FAM163A: variants seen among roughly 807,000 people sequenced by gnomAD.
FAM163A encodes the protein protein FAM163A.
A neutral mutation model predicts 12.0 loss-of-function variants in FAM163A; 7 were observed. The observed-to-expected ratio is 0.58, with a 90% CI of 0.33 to 1.10. The LOEUF (loss-of-function observed/expected upper bound fraction) is 1.10, where lower values mean the gene tolerates loss of function less well. Ranked by LOEUF, FAM163A falls within the 50% of genes least tolerant of loss-of-function variation. The pLI is 0.03. For synonymous variants in FAM163A, 101 were observed against 91.0 expected (o/e 1.11, Z -0.62); for missense variants, 202 against 218.6 (o/e 0.92, Z 0.48).
At chr1:179,753,582 G>T (rs1348156389) in intron 1 of FAM163A, among the ~76,000 whole-genome samples, 1 of 152,166 alleles carries the variant, frequency 6.6e-6, no homozygotes, top group Non-Finnish European at 1.5e-5. Flanking sequence ...GGAGGGACTG[G>T]TCTTAGGAGA....
intron 1 of FAM163A, among the ~76,000 whole-genome samples, chr1:179,794,768 C>T (rs1571518569): frequency 6.6e-6 from 1 of 152,056 alleles, no homozygotes; most frequent in African/African-American, 2.4e-5. Flanking sequence ...TCTGGCAAGG[C>T]GCTCAGACAG....
At chr1:179,794,249 C>T (rs1691950028) in intron 1 of FAM163A, among the ~76,000 whole-genome samples, 1 of 152,176 alleles carries the variant, frequency 6.6e-6, no homozygotes, top group African/African-American at 2.4e-5. Context: ...GTTCTTACCA[C>T]CAAAAAATTA....
At chr1:179,748,405 A>T (rs2504043) in intron 1 of FAM163A, among the ~76,000 whole-genome samples, 41,644 of 151,764 alleles carry the variant, frequency 0.27, 5,927 homozygotes, top group South Asian at 0.42. Flanking sequence ...ATTAGTTTTT[A>T]AAAAAAATCA....
intron 1 of FAM163A, among the ~76,000 whole-genome samples, chr1:179,764,540 T>C (rs61828396): frequency 0.11 from 17,414 of 152,242 alleles, 1,104 homozygotes; most frequent in Non-Finnish European, 0.13. Context: ...CCATGGTAGA[T>C]GAGGTATTGA....
chr1:179,784,598 G>A (rs1043593995), intron 1 of FAM163A, among the ~76,000 whole-genome samples: 10 of 152,170 alleles, frequency 6.6e-5, no homozygotes, highest in Non-Finnish European at 1.0e-4. Flanking sequence ...CAGACCCAGA[G>A]AAAACAGTAT....
intron 1 of FAM163A, among the ~76,000 whole-genome samples, chr1:179,747,772 T>C (rs1684702823): frequency 6.6e-6 from 1 of 152,226 alleles, no homozygotes; most frequent in African/African-American, 2.4e-5. Context: ...ATTGCATGCT[T>C]TGATGGATCA....
In FAM163A at chr1:179,805,295, G is replaced by A. The variant is rs555066171; in HGVS notation, c.-135-2503G>A. ...TACTTTGGGAGGCTGAGGCAGGTGGGTCACCTGAGGTCAGGAGTTTGAGAC... is the reference window on the plus strand; with the variant it reads ...TACTTTGGGAGGCTGAGGCAGGTGGATCACCTGAGGTCAGGAGTTTGAGAC... On this transcript the variant is annotated intron_variant, in intron 1 of 4. Coordinates refer to ENST00000341785, the MANE Select transcript of FAM163A (RefSeq NM_173509.3). Among the ~76,000 whole-genome samples the A allele has an allele frequency of 6.6e-5, 10 of 152,186 alleles. No homozygotes were observed. In the South Asian group the frequency reaches 1.7e-3, roughly 25 times the overall value.
intron 1 of FAM163A, among the ~76,000 whole-genome samples, chr1:179,798,411 T>C (rs979935287): frequency 6.6e-6 from 1 of 152,198 alleles, no homozygotes; most frequent in Non-Finnish European, 1.5e-5. Flanking sequence ...GTGTCTCCTC[T>C]TGTTTCAGGA....
At chr1:179,739,461 C>T (rs1370281094), upstream of FAM163A, among the ~76,000 whole-genome samples, 1 of 152,224 alleles carries the variant, frequency 6.6e-6, no homozygotes, top group Non-Finnish European at 1.5e-5. Flanking sequence ...GGCCACAAGC[C>T]TCCCAGGATG....
At chr1:179,748,642 G>C (rs1376475193) in intron 1 of FAM163A, among the ~76,000 whole-genome samples, 1 of 152,216 alleles carries the variant, frequency 6.6e-6, no homozygotes, top group Non-Finnish European at 1.5e-5. Flanking sequence ...AGAGGAGCAA[G>C]TGACATGCTG....
the FAM163A span, among the ~76,000 whole-genome samples, chr1:179,731,580 T>C: frequency 2.0e-5 from 3 of 152,186 alleles, no homozygotes; most frequent in Non-Finnish European, 4.4e-5. Flanking sequence ...ACTTCCAGTA[T>C]AGGAAGAAAA....
chr1:179,754,277 A>G (rs907731365), intron 1 of FAM163A, among the ~76,000 whole-genome samples: 1 of 152,092 alleles, frequency 6.6e-6, no homozygotes, highest in Non-Finnish European at 1.5e-5. Context: ...GGTTTAAGTA[A>G]TTTAAGAGCT....
chr1:179,798,209 C>T (rs1056645862), intron 1 of FAM163A, among the ~76,000 whole-genome samples: 3 of 151,668 alleles, frequency 2.0e-5, no homozygotes, highest in Admixed American at 2.0e-4. Flanking sequence ...CAGCCTGGGC[C>T]AGACTCCATC....
chr1:179,737,390 C>T, the FAM163A span, among the ~76,000 whole-genome samples: 1 of 152,156 alleles, frequency 6.6e-6, no homozygotes, highest in African/African-American at 2.4e-5. Flanking sequence ...AATGGCTATA[C>T]AGTTTCAGTT....
intron 1 of FAM163A, among the ~76,000 whole-genome samples, chr1:179,763,876 G>C (rs1454429088): frequency 1.3e-5 from 2 of 152,208 alleles, no homozygotes; most frequent in Non-Finnish European, 2.9e-5. Flanking sequence ...AGAGGACTTA[G>C]CTGGGTGTGT....
At chr1:179,736,583 G>T in the FAM163A span, among the ~76,000 whole-genome samples, 1 of 152,174 alleles carries the variant, frequency 6.6e-6, no homozygotes, top group Non-Finnish European at 1.5e-5. Context: ...GCCAAGGCGG[G>T]TGGATCACGA....
the FAM163A span, among the ~76,000 whole-genome samples, chr1:179,728,941 G>A: frequency 5.9e-5 from 9 of 152,058 alleles, no homozygotes; most frequent in South Asian, 2.1e-4. Context: ...CTGTTAAAGC[G>A]TCAGTTAACC....
At chr1:179,760,497 T>C (rs1210152221) in intron 1 of FAM163A, among the ~76,000 whole-genome samples, 4 of 152,192 alleles carry the variant, frequency 2.6e-5, no homozygotes, top group Non-Finnish European at 5.9e-5. Flanking sequence ...CTGATTTTCT[T>C]TAATTAGCTA....
chr1:179,750,606 G>C (rs572462423), intron 1 of FAM163A, among the ~76,000 whole-genome samples: 25 of 152,316 alleles, frequency 1.6e-4, no homozygotes, highest in African/African-American at 5.1e-4. Flanking sequence ...CATACAACAT[G>C]AGCGGAAGAG....
Sources: allele counts gnomAD v4.1 joint callset (sites outside exome capture counted in the v4.1 genomes callset), GRCh38; gene constraint gnomAD v4.1.1; transcripts MANE v1.5; gene names NCBI Gene and HGNC (gene_info 2026-07-23, HGNC 2026-07-21).